Variants in P4HA2 observed in about 807,000 individuals in gnomAD.
P4HA2 encodes prolyl 4-hydroxylase subunit alpha 2, also known as prolyl 4-hydroxylase subunit alpha-2.
In P4HA2, 46 loss-of-function variants were observed where a neutral mutation model predicts 76.9. That is an observed-to-expected ratio of 0.60 (90% CI 0.47 to 0.76). The LOEUF (loss-of-function observed/expected upper bound fraction) is 0.76, where lower values mean the gene tolerates loss of function less well. P4HA2 is among the 30% of genes least tolerant of loss of function. P4HA2 has a pLI of 0.00. For synonymous variants in P4HA2, 243 were observed against 254.0 expected, an observed-to-expected ratio of 0.96 and a Z score of 0.41; for missense variants, 583 against 669.4, an observed-to-expected ratio of 0.87 and a Z score of 1.42.
chr5:132,213,915 C>T lies in P4HA2; in HGVS notation c.469+1G>A. 6.2e-7 allele frequency: 1 copy of T among 1,613,998 alleles called. No individual in the cohort carries two copies. Among genetic ancestry groups the T allele is most frequent in the Non-Finnish European group, 8.5e-7 (1 of 1,179,920 alleles). On this transcript the variant is annotated splice_donor_variant, in intron 5 of 14. Coordinates refer to ENST00000360568, the MANE Select transcript of P4HA2 (RefSeq NM_001017974.2). LOFTEE classifies it high-confidence loss of function. ...AGGCAACGCCTGGAGTGGTGAGTTACCTGGAAGTTCCCCTCTGGAAATTGT... is the reference window on the plus strand; with the variant it reads ...AGGCAACGCCTGGAGTGGTGAGTTATCTGGAAGTTCCCCTCTGGAAATTGT...
Position 132,207,780 on chromosome 5 carries a change from C to T in P4HA2, c.1008G>A (p.Pro336=), listed in dbSNP as rs150137741. 1.4e-5 allele frequency: 22 copies of T among 1,613,548 alleles called. No homozygotes were observed. Among genetic ancestry groups the T allele is most frequent in the Admixed American group, 1.7e-5 (1 of 59,984 alleles). Residue 336 remains proline, a synonymous_variant, in exon 8 of 15, where the codon CCG becomes CCA. Transcript: ENST00000360568. ...TGACATCGTAGTACCTGACGATGTG[C>T]GGGCTGTCCCACTCGTCCTCCTCTT... The part of the protein sequence containing the change: ...PFKEEDEWDS[P]HIVRYYDVMS...
At position 132,217,735 on chromosome 5, in the gene P4HA2, T is replaced by TA. The variant is rs3214098; in HGVS notation, c.179+16_179+17insT. ...GGGAAGGAAGGCCAACTAAGGATGGTTGGGGACTTAGGACACCTCTTAATC... is the reference window on the plus strand; with the variant it reads ...GGGAAGGAAGGCCAACTAAGGATGGTATGGGGACTTAGGACACCTCTTAATC... On this transcript the variant is annotated intron_variant, in intron 3 of 14. Coordinates refer to ENST00000360568, the MANE Select transcript of P4HA2 (RefSeq NM_001017974.2). 0.41 allele frequency: 597,695 copies of TA among 1,466,814 alleles called. 129,067 individuals carry two copies. Among genetic ancestry groups the TA allele is most frequent in the Non-Finnish European group, 0.45 (474,493 of 1,045,378 alleles). 90.9% of individuals were successfully genotyped at this position (1,466,814 alleles called of 1,614,324 possible).
Position 132,193,050 on chromosome 5 carries a change from T to C in P4HA2, c.1562A>G (p.Gln521Arg). Residue 521 changes from glutamine to arginine, a missense_variant, in exon 15 of 15, where the codon CAG (glutamine) becomes CGG (arginine). Transcript: ENST00000360568. ...VSNKWFHERGQEFLRPCGSTE... is the reference protein window; with the variant it reads ...VSNKWFHERGREFLRPCGSTE... ...TGATCCACAAGGTCTCAAGAACTCC[T>C]GTCCTCGTTCATGGAACCACTTATT... is the stretch of plus-strand genomic sequence containing the variant. The C allele has an allele frequency of 1.2e-6, 2 of 1,613,146 alleles. No homozygotes were observed. Among genetic ancestry groups the C allele is most frequent in the Non-Finnish European group, 1.7e-6 (2 of 1,179,090 alleles).
intron 8 of P4HA2, among the ~76,000 whole-genome samples, chr5:132,204,605 C>T (rs1751949202): frequency 6.6e-6 from 1 of 152,160 alleles, no homozygotes; most frequent in Admixed American, 6.5e-5. Context: ...TCAAGTTCCA[C>T]CATCCTTCCG....
At chr5:132,207,264 C>A (rs1186083832) in intron 8 of P4HA2, among the ~76,000 whole-genome samples, 33 of 152,174 alleles carry the variant, frequency 2.2e-4, no homozygotes, top group Admixed American at 2.2e-3. Flanking sequence ...TATGGAGAGA[C>A]CTGTCATGCC....
chr5:132,207,651 T>G, intron 8 of P4HA2, 57 bp downstream of exon 8: 89 of 1,476,364 alleles, frequency 6.0e-5, no homozygotes, highest in Non-Finnish European at 7.6e-5. Flanking sequence ...GTGCTAGGGA[T>G]GAGAAAAAGG....
intron 14 of P4HA2, chr5:132,193,707 G>C (rs1750178016): frequency 6.6e-6 from 1 of 152,180 alleles, no homozygotes; most frequent in Non-Finnish European, 1.5e-5. Context: ...AGCAGATCCA[G>C]TCTGTATGCC....
At chr5:132,203,902 G>A (rs1331993351) in intron 9 of P4HA2, 55 bp from the exon 10 acceptor site, 30 of 1,356,066 alleles carry the variant, frequency 2.2e-5, no homozygotes, top group Non-Finnish European at 3.2e-5. Context: ...GCTTCCATGA[G>A]GTCCTGAACT....
At chr5:132,225,400 C>T (rs1398388973) in intron 1 of P4HA2, among the ~76,000 whole-genome samples, 4 of 152,190 alleles carry the variant, frequency 2.6e-5, no homozygotes, top group Non-Finnish European at 5.9e-5. Flanking sequence ...TGCTTCCAGT[C>T]TCAGACCCTC....
intron 1 of P4HA2, among the ~76,000 whole-genome samples, chr5:132,222,710 A>G (rs1754807592): frequency 6.6e-6 from 1 of 152,224 alleles, no homozygotes; most frequent in South Asian, 2.1e-4. Flanking sequence ...CTCCTTCACG[A>G]AGAACCTAAT....
rs1232179174 is a variant in P4HA2 at position 132,191,436 on chromosome 5, C to T, written c.*1574G>A. 3.4e-5 allele frequency among the ~76,000 whole-genome samples: 5 copies of T among 145,286 alleles called. No individual in the cohort carries two copies. The highest frequency in any genetic ancestry group is 4.5e-5 in the Non-Finnish European group (3 of 66,776). On this transcript the variant is annotated 3_prime_UTR_variant, in exon 15 of 15. Coordinates refer to ENST00000360568, the MANE Select transcript of P4HA2 (RefSeq NM_001017974.2). Reference sequence around the variant, plus strand: ...CTGAGGCAGGAGAATGGCGTGAACCCGGGAGGCGGAGCTTGCAGTGAGCCG... The same window carrying T: ...CTGAGGCAGGAGAATGGCGTGAACCTGGGAGGCGGAGCTTGCAGTGAGCCG...
rs759736245 is a variant in P4HA2, at chr5:132,195,453, T to C, written c.1393A>G (p.Thr465Ala). 1 of 1,613,498 alleles carries C rather than the reference T, an allele frequency of 6.2e-7. No individual in the cohort carries two copies. Among genetic ancestry groups the C allele is most frequent in the Non-Finnish European group, 8.5e-7 (1 of 1,179,406 alleles). ...GCAGCCCCCAGATCAGGGAAGACGG[T>C]GGCACCACCAGCTTCTACATCACTC... Reference protein sequence around the residue: ...YMSDVEAGGATVFPDLGAAIW... With the variant: ...YMSDVEAGGAAVFPDLGAAIW... The change falls in exon 13 of 15, where the codon ACC (threonine) becomes GCC (alanine). Residue 465 changes from threonine to alanine, a missense_variant. Physicochemically the swap from Thr to Ala is moderately conservative, Grantham distance 58. Transcript: ENST00000360568.
chr5:132,213,878 C>G, intron 5 of P4HA2, 38 bp downstream of exon 5: 3 of 1,606,822 alleles, frequency 1.9e-6, no homozygotes, highest in Middle Eastern at 1.7e-4. Context: ...ACTAAAGAGA[C>G]ACATGCGGGA....
chr5:132,194,045 G>A (rs567150512), intron 14 of P4HA2, among the ~76,000 whole-genome samples: 2 of 152,164 alleles, frequency 1.3e-5, no homozygotes, highest in South Asian at 2.1e-4. Flanking sequence ...TAGATAAGAT[G>A]CTTATAGTTC....
intron 4 of P4HA2, among the ~76,000 whole-genome samples, chr5:132,215,907 A>T (rs548077169): frequency 2.7e-5 from 4 of 148,306 alleles, no homozygotes; most frequent in African/African-American, 9.9e-5. Flanking sequence ...CACACCTGTA[A>T]TCCCAGCACT....
chr5:132,208,114 C>T (rs1226241721), intron 7 of P4HA2, among the ~76,000 whole-genome samples: 3 of 151,178 alleles, frequency 2.0e-5, no homozygotes, highest in Admixed American at 1.3e-4. Flanking sequence ...TTGGGACCAG[C>T]CTAGATGACA....
intron 1 of P4HA2, among the ~76,000 whole-genome samples, chr5:132,222,892 G>C (rs558948709): frequency 6.6e-6 from 1 of 152,352 alleles, no homozygotes; most frequent in Admixed American, 6.5e-5. Flanking sequence ...CAAAAGCCAA[G>C]TTGGGTTTTC....
intron 4 of P4HA2, among the ~76,000 whole-genome samples, chr5:132,215,241 G>T (rs1201726828): frequency 6.6e-6 from 1 of 152,246 alleles, no homozygotes; most frequent in Non-Finnish European, 1.5e-5. Flanking sequence ...CTGTCAGCAT[G>T]CCCTGCTCGT....
intron 2 of P4HA2, among the ~76,000 whole-genome samples, chr5:132,218,213 TA>T (rs1419170343): frequency 3.3e-5 from 5 of 152,098 alleles, no homozygotes. Flanking sequence ...GTCGGAAGGA[TA>T]GGAAAAGCTT....
Sources: gnomAD v4.1 joint callset for allele counts (sites outside exome capture counted in the v4.1 genomes callset) on GRCh38, gnomAD v4.1.1 for gene constraint, MANE v1.5 for transcripts, NCBI Gene and HGNC (gene_info 2026-07-23, HGNC 2026-07-21) for gene names.